Variants in TNFAIP1 observed in about 807,000 individuals in gnomAD.
TNFAIP1 encodes BTB/POZ domain-containing adapter for CUL3-mediated RhoA degradation protein 2.
In TNFAIP1, 20 loss-of-function variants were observed where a neutral mutation model predicts 32.6. The observed-to-expected ratio is 0.61, with a 90% CI of 0.43 to 0.89. The LOEUF (loss-of-function observed/expected upper bound fraction) is 0.89, where lower values mean the gene tolerates loss of function less well. Ranked by LOEUF, TNFAIP1 falls within the 40% of genes least tolerant of loss-of-function variation. The probability of loss-of-function intolerance (pLI) is 0.00; values close to 1 mark genes in which losing one functional copy is unlikely to be tolerated. For synonymous variants in TNFAIP1, 166 were observed against 166.8 expected, an observed-to-expected ratio of 1.00 and a Z score of 0.04; for missense variants, 319 against 425.1, an observed-to-expected ratio of 0.75 and a Z score of 2.20.
At chr17:28,337,416 C>T (rs1251767074) in intron 1 of TNFAIP1, among the ~76,000 whole-genome samples, 1 of 152,126 alleles carries the variant, frequency 6.6e-6, no homozygotes. Context: ...TTAATTTTGT[C>T]ATTGTTGAGA....
In TNFAIP1 at chr17:28,340,325, C is replaced by T. The variant is rs1907319280; in HGVS notation, c.222C>T (p.Asp74=). 6.2e-7 allele frequency: 1 copy of T among 1,613,846 alleles called. No homozygotes were observed. The highest frequency in any genetic ancestry group is 1.3e-5 in the African/African-American group (1 of 74,892). ...CACCCCTAGGCTGGATCCTCATAGACCGTTGTGGAAAGCACTTTGGCACCA... is the reference window on the plus strand; with the variant it reads ...CACCCCTAGGCTGGATCCTCATAGATCGTTGTGGAAAGCACTTTGGCACCA... ...LTDKEGWILI[D]RCGKHFGTIL... The change falls in exon 3 of 7, where the codon GAC becomes GAT. Residue 74 remains aspartate, a synonymous_variant. Coordinates refer to ENST00000226225, the MANE Select transcript of TNFAIP1 (RefSeq NM_021137.5). The surrounding 1 kb of genome is among the most constrained non-coding windows in gnomAD (Gnocchi z 4.1).
At chr17:28,338,592 C>T (rs782788063) in intron 1 of TNFAIP1, among the ~76,000 whole-genome samples, 26 of 152,032 alleles carry the variant, frequency 1.7e-4, no homozygotes, top group Middle Eastern at 3.4e-3. Flanking sequence ...GCCAGACTCT[C>T]GGTGGTGCTC....
Position 28,342,504 on chromosome 17 carries a change from G to A in TNFAIP1, c.714+62G>A. 1.3e-6 allele frequency: 2 copies of A among 1,484,548 alleles called. No individual in the cohort carries two copies. Among genetic ancestry groups the A allele is most frequent in the Non-Finnish European group, 1.8e-6 (2 of 1,097,928 alleles). 92.0% of individuals were successfully genotyped at this position (1,484,548 alleles called of 1,614,324 possible). On this transcript the variant is annotated intron_variant, in intron 6 of 6. Coordinates refer to ENST00000226225, the MANE Select transcript of TNFAIP1 (RefSeq NM_021137.5). This position sits in a 1 kb window ranked among gnomAD's most constrained non-coding sequence, Gnocchi z 4.0. ...ACACACCCACTGTGCGGGGGACGTG[G>A]TCGGGCTGTGACCAGCACGGAGCAA...
In TNFAIP1 at chr17:28,340,185, C is replaced by T. The variant is rs1371854737; in HGVS notation, c.206-124C>T. The T allele has an allele frequency of 1.1e-5, 11 of 979,380 alleles. No individual in the cohort carries two copies. In the South Asian group the frequency reaches 1.4e-4, roughly 12 times the overall value. The allele number at this position is 979,380 out of a possible 1,614,324, so 60.7% of individuals were successfully genotyped here. ...CTCCATCCCCGCCTCTGTCACCCTG[C>T]GTAAGGGCTTTGTGCTCGTGGACCC... On this transcript the variant is annotated intron_variant, in intron 2 of 6. Coordinates refer to ENST00000226225, the MANE Select transcript of TNFAIP1 (RefSeq NM_021137.5). The surrounding 1 kb of genome is among the most constrained non-coding windows in gnomAD (Gnocchi z 4.1).
Position 28,342,347 on chromosome 17 carries a change from G to A in TNFAIP1, c.619G>A (p.Glu207Lys). 1.9e-6 allele frequency: 3 copies of A among 1,607,776 alleles called. No homozygotes were observed. The highest frequency in any genetic ancestry group is 2.6e-6 in the Non-Finnish European group (3 of 1,174,648). ...CTTCATCAAGGATGTCATTGGTGACGAGATCTGCTGCTGGTCCTTTTATGG... is the reference window on the plus strand; with the variant it reads ...CTTCATCAAGGATGTCATTGGTGACAAGATCTGCTGCTGGTCCTTTTATGG... ...VLFIKDVIGD[E>K]ICCWSFYGQG... Residue 207 changes from glutamate (E) to lysine (K), a missense_variant, in exon 6 of 7, where the codon GAG becomes AAG. By Grantham distance (56) the Glu-to-Lys change is moderately conservative (BLOSUM62 1). Coordinates refer to ENST00000226225, the MANE Select transcript of TNFAIP1 (RefSeq NM_021137.5). The surrounding 1 kb of genome is among the most constrained non-coding windows in gnomAD (Gnocchi z 4.0).
In TNFAIP1 at chr17:28,342,346, C is replaced by G; in HGVS notation, c.618C>G (p.Asp206Glu). 6.2e-7 allele frequency: 1 copy of G among 1,607,616 alleles called. No individual in the cohort carries two copies. The highest frequency in any genetic ancestry group is 8.5e-7 in the Non-Finnish European group (1 of 1,174,496). The change falls in exon 6 of 7, where the codon GAC (aspartate) becomes GAG (glutamate). Residue 206 changes from aspartate (D) to glutamate (E), a missense_variant. Physicochemically the swap from Asp to Glu is conservative, Grantham distance 45. Transcript: ENST00000226225. This position sits in a 1 kb window ranked among gnomAD's most constrained non-coding sequence, Gnocchi z 4.0. ...RVLFIKDVIG[D>E]EICCWSFYGQ... ...TCTTCATCAAGGATGTCATTGGTGA[C>G]GAGATCTGCTGCTGGTCCTTTTATG...
At chr17:28,344,303 T>G in intron 6 of TNFAIP1, 61 bp from the exon 7 acceptor site, 1 of 1,489,442 alleles carries the variant, frequency 6.7e-7, no homozygotes, top group Non-Finnish European at 9.3e-7. Flanking sequence ...CCAGCCGCTC[T>G]GACGCATGGC....
intron 2 of TNFAIP1, 27 bp downstream of exon 2, chr17:28,339,753 G>A: frequency 6.2e-7 from 1 of 1,607,510 alleles, no homozygotes; most frequent in Non-Finnish European, 8.5e-7. Flanking sequence ...GCCGCTCGGG[G>A]TGGGGAGGGC....
intron 6 of TNFAIP1, among the ~76,000 whole-genome samples, chr17:28,344,099 C>CT (rs1907459200): frequency 6.6e-6 from 1 of 152,164 alleles, no homozygotes; most frequent in African/African-American, 2.4e-5. Context: ...GGACCTAGCT[C>CT]TGGCCCACCC....
rs187238636 is a variant in TNFAIP1, at chr17:28,342,967, G to C, written c.714+525G>C. Among the ~76,000 whole-genome samples, 2 of 152,108 alleles carry C rather than the reference G, an allele frequency of 1.3e-5. No individual in the cohort carries two copies. The highest frequency in any genetic ancestry group is 2.9e-5 in the Non-Finnish European group (2 of 68,024). On this transcript the variant is annotated intron_variant, in intron 6 of 6. Transcript: ENST00000226225. This position sits in a 1 kb window ranked among gnomAD's most constrained non-coding sequence, Gnocchi z 4.0. Reference sequence around the variant, plus strand: ...AGGTGGGCACAGCACTTGAGCCCAGGAGTTCAAGACCACCCTGGACAACAT... The same window carrying C: ...AGGTGGGCACAGCACTTGAGCCCAGCAGTTCAAGACCACCCTGGACAACAT...
chr17:28,344,298 C>A, intron 6 of TNFAIP1, 66 bp from the exon 7 acceptor site: 2 of 1,439,424 alleles, frequency 1.4e-6, no homozygotes, highest in South Asian at 2.3e-5. Context: ...CAGGGCCAGC[C>A]GCTCTGACGC....
chr17:28,342,102 T>C lies in TNFAIP1; in HGVS notation c.519-145T>C, dbSNP rs2142385288. Reference sequence around the variant, plus strand: ...CAACCCAGAGGGTACCCTATGATCCTTTCTCTCCTGGCCCCCTGGCATCTT... The same window carrying C: ...CAACCCAGAGGGTACCCTATGATCCCTTCTCTCCTGGCCCCCTGGCATCTT... On this transcript the variant is annotated intron_variant, in intron 5 of 6. Transcript: ENST00000226225. The surrounding 1 kb of genome is among the most constrained non-coding windows in gnomAD (Gnocchi z 4.0). 7 of 744,736 alleles carry C rather than the reference T, an allele frequency of 9.4e-6. No individual in the cohort carries two copies. Among genetic ancestry groups the C allele is most frequent in the African/African-American group, 1.7e-5 (1 of 57,234 alleles). The allele number at this position is 744,736 out of a possible 1,614,324, so 46.1% of individuals were successfully genotyped here. A position where few individuals can be genotyped will look rare whatever the true frequency, so the allele number is the denominator to read the frequency against.
chr17:28,342,515 A>C lies in TNFAIP1; in HGVS notation c.714+73A>C. ...GTGCGGGGGACGTGGTCGGGCTGTG[A>C]CCAGCACGGAGCAAAAGGGGCATGG... On this transcript the variant is annotated intron_variant, in intron 6 of 6. Transcript: ENST00000226225. This position sits in a 1 kb window ranked among gnomAD's most constrained non-coding sequence, Gnocchi z 4.0. 1 of 1,428,082 alleles carries C rather than the reference A, an allele frequency of 7.0e-7. No homozygotes were observed. Among genetic ancestry groups the C allele is most frequent in the South Asian group, 1.4e-5 (1 of 69,358 alleles). The allele number at this position is 1,428,082 out of a possible 1,614,324, so 88.5% of individuals were successfully genotyped here.
At chr17:28,339,285 C>T (rs1555577766) in intron 1 of TNFAIP1, 123 bp from the exon 2 acceptor site, 1 of 392,936 alleles carries the variant, frequency 2.5e-6, no homozygotes, top group South Asian at 1.0e-4. Flanking sequence ...GGGACTTAGC[C>T]TCTGCCAGGG....
At chr17:28,338,322 C>T (rs1907244804) in intron 1 of TNFAIP1, among the ~76,000 whole-genome samples, 1 of 152,190 alleles carries the variant, frequency 6.6e-6, no homozygotes, top group Non-Finnish European at 1.5e-5. Flanking sequence ...TTTCTTCTCC[C>T]ATTCTTATTG....
chr17:28,343,571 C>T (rs1371481892), intron 6 of TNFAIP1, among the ~76,000 whole-genome samples: 6 of 151,998 alleles, frequency 3.9e-5, no homozygotes, highest in South Asian at 4.2e-4. Context: ...TGGTTCCTGA[C>T]CCTATCGGTG....
rs1907504924 is a variant in TNFAIP1, at chr17:28,345,066, A to G, written c.*466A>G. 2 of 180,606 alleles carry G rather than the reference A, an allele frequency of 1.1e-5. No individual in the cohort carries two copies. Among genetic ancestry groups the G allele is most frequent in the Admixed American group, 1.1e-4 (2 of 18,774 alleles). The allele number at this position is 180,606 out of a possible 1,614,324, so 11.2% of individuals were successfully genotyped here. A position where few individuals can be genotyped will look rare whatever the true frequency, so the allele number is the denominator to read the frequency against. ...TTTTAAAAAATAATCTAGGAAATGA[A>G]TAATTCTAAATCTAGTAATGAGGAA... On this transcript the variant is annotated 3_prime_UTR_variant, in exon 7 of 7. Transcript: ENST00000226225.
At chr17:28,344,087 T>G (rs189175570) in intron 6 of TNFAIP1, among the ~76,000 whole-genome samples, 1 of 152,258 alleles carries the variant, frequency 6.6e-6, no homozygotes, top group South Asian at 2.1e-4. Context: ...AGAGCTGTGT[T>G]GGGACCTAGC....
intron 6 of TNFAIP1, 58 bp from the exon 7 acceptor site, chr17:28,344,306 C>A: frequency 6.7e-7 from 1 of 1,492,314 alleles, no homozygotes; most frequent in Non-Finnish European, 9.3e-7. Flanking sequence ...GCCGCTCTGA[C>A]GCATGGCTTC....
Sources: allele counts gnomAD v4.1 joint callset (sites outside exome capture counted in the v4.1 genomes callset), GRCh38; gene constraint gnomAD v4.1.1; non-coding constraint Gnocchi (gnomAD v3.1); transcripts MANE v1.5; gene names NCBI Gene and HGNC (gene_info 2026-07-23, HGNC 2026-07-21).